The following GRM1 variants were observed in gnomAD, a reference collection of about 807,000 sequenced individuals.
GRM1 encodes metabotropic glutamate receptor 1.
In GRM1, 33 loss-of-function variants were observed where a neutral mutation model predicts 90.9. The observed-to-expected ratio is 0.36, with a 90% CI of 0.28 to 0.49. GRM1 has a LOEUF of 0.49. Among genes scored for constraint, GRM1 ranks in the 20% least tolerant of loss-of-function variants. The pLI is 0.99. For missense variants in GRM1, 1,190 were observed against 1,534.3 expected (o/e 0.78, Z 3.75); for synonymous variants, 700 against 613.2 (o/e 1.14, Z -2.09).
At chr6:146,322,574 C>CTTTTCTTTTATTTTATTTTATTTTA (rs375962682) in intron 3 of GRM1, among the ~76,000 whole-genome samples, 39 of 144,966 alleles carry the variant, frequency 2.7e-4, no homozygotes, top group African/African-American at 1.0e-3. Flanking sequence ...TGCTGCCTTT[C>CTTTTCTTTTATTTTATTTTATTTTA]TTTTATTTTA....
chr6:146,348,022 A>G (rs967725468), intron 3 of GRM1, among the ~76,000 whole-genome samples: 1 of 152,232 alleles, frequency 6.6e-6, no homozygotes, highest in Non-Finnish European at 1.5e-5. Flanking sequence ...AAGTAAATAA[A>G]CACAGTCAAC....
At chr6:146,084,282 T>A (rs907292974) in intron 1 of GRM1, among the ~76,000 whole-genome samples, 4 of 152,070 alleles carry the variant, frequency 2.6e-5, no homozygotes, top group African/African-American at 9.7e-5. Context: ...CTGCTGGCTT[T>A]TGGATTTGTT....
chr6:146,033,677 A>G (rs894446607), intron 1 of GRM1, among the ~76,000 whole-genome samples: 2 of 151,966 alleles, frequency 1.3e-5, no homozygotes, highest in Non-Finnish European at 2.9e-5. Flanking sequence ...CTTTCCAGTT[A>G]GATTTTGATC....
At chr6:146,368,248 A>C (rs1775765946) in intron 5 of GRM1, among the ~76,000 whole-genome samples, 1 of 110,046 alleles carries the variant, frequency 9.1e-6, no homozygotes, top group Non-Finnish European at 1.8e-5. Context: ...ATCATTTTCT[A>C]CAGTTTTTTT....
At chr6:146,270,946 T>G (rs1782128835) in intron 2 of GRM1, among the ~76,000 whole-genome samples, 1 of 133,498 alleles carries the variant, frequency 7.5e-6, no homozygotes, top group Admixed American at 7.3e-5. Flanking sequence ...CCTTCCTTCC[T>G]TCCTTCCTTT....
At chr6:146,233,289 C>G (rs776538781) in intron 2 of GRM1, among the ~76,000 whole-genome samples, 3 of 152,062 alleles carry the variant, frequency 2.0e-5, no homozygotes, top group Non-Finnish European at 4.4e-5. Context: ...CAGTAGTATG[C>G]TAGGTTCAAC....
chr6:146,038,390 G>A (rs1177287655), intron 1 of GRM1, among the ~76,000 whole-genome samples: 1 of 151,906 alleles, frequency 6.6e-6, no homozygotes, highest in African/African-American at 2.4e-5. Flanking sequence ...AGCTATCAGG[G>A]TGAAGTATAC....
chr6:146,242,172 A>G (rs58310049), intron 2 of GRM1, among the ~76,000 whole-genome samples: 1 of 152,114 alleles, frequency 6.6e-6, no homozygotes, highest in East Asian at 1.9e-4. Context: ...ATGTGATTAC[A>G]CCACCTACAA....
Position 146,249,400 on chromosome 6 carries a change from C to T in GRM1, c.951-55211C>T, listed in dbSNP as rs546423101. Among the ~76,000 whole-genome samples the T allele has an allele frequency of 3.9e-5, 6 of 152,158 alleles. No homozygotes were observed. The South Asian group carries it at 1.0e-3, about 26-fold the overall frequency. ...TGTGCAGCTTTGGAACTTGGTGTCC[C>T]GCATCCCCGCGGTTCCAGCTCAAAC... On this transcript the variant is annotated intron_variant, in intron 2 of 7. Coordinates refer to ENST00000282753, the MANE Select transcript of GRM1 (RefSeq NM_001278064.2).
chr6:146,184,232 C>T, intron 2 of GRM1, among the ~76,000 whole-genome samples: 1 of 152,110 alleles, frequency 6.6e-6, no homozygotes, highest in East Asian at 1.9e-4. Flanking sequence ...TAATTATGAT[C>T]ACAGAATCTT....
intron 2 of GRM1, among the ~76,000 whole-genome samples, chr6:146,255,219 A>G (rs1446103303): frequency 6.6e-6 from 1 of 152,162 alleles, no homozygotes; most frequent in Non-Finnish European, 1.5e-5. Context: ...GTACAAACAT[A>G]TATTTTGGCC....
intron 1 of GRM1, among the ~76,000 whole-genome samples, chr6:146,048,383 T>A (rs1791409376): frequency 6.6e-6 from 1 of 152,010 alleles, no homozygotes; most frequent in Non-Finnish European, 1.5e-5. Flanking sequence ...TTGGCACAAG[T>A]GTAATACTTA....
At chr6:146,204,485 A>T (rs1779427425) in intron 2 of GRM1, among the ~76,000 whole-genome samples, 1 of 152,186 alleles carries the variant, frequency 6.6e-6, no homozygotes, top group Admixed American at 6.5e-5. Flanking sequence ...TCTATTGTTA[A>T]CATTTTCATG....
intron 2 of GRM1, among the ~76,000 whole-genome samples, chr6:146,166,612 T>C (rs1409923262): frequency 6.6e-6 from 1 of 152,174 alleles, no homozygotes; most frequent in African/African-American, 2.4e-5. Context: ...CCTACTGACC[T>C]GCCCTCTGAA....
intron 3 of GRM1, among the ~76,000 whole-genome samples, chr6:146,351,162 T>C (rs1785393761): frequency 6.6e-6 from 1 of 152,138 alleles, no homozygotes; most frequent in Non-Finnish European, 1.5e-5. Context: ...CCTATTTAGG[T>C]TGGAACAAAG....
At chr6:146,213,236 G>A (rs1037428461) in intron 2 of GRM1, among the ~76,000 whole-genome samples, 1 of 152,118 alleles carries the variant, frequency 6.6e-6, no homozygotes, top group African/African-American at 2.4e-5. Context: ...GATTATGAGA[G>A]AGGTTGTATC....
intron 2 of GRM1, among the ~76,000 whole-genome samples, chr6:146,213,773 A>G (rs1342607769): frequency 2.0e-5 from 3 of 152,114 alleles, no homozygotes; most frequent in African/African-American, 4.8e-5. Flanking sequence ...ATTGGGTCAC[A>G]TGACCAGGGA....
chr6:146,301,801 A>T (rs1783394023), intron 2 of GRM1, among the ~76,000 whole-genome samples: 1 of 152,184 alleles, frequency 6.6e-6, no homozygotes, highest in Non-Finnish European at 1.5e-5. Flanking sequence ...ATGTAAATAA[A>T]CCGGTTTGAG....
intron 1 of GRM1, among the ~76,000 whole-genome samples, chr6:146,053,610 G>A (rs1341381680): frequency 6.6e-6 from 1 of 152,018 alleles, no homozygotes; most frequent in African/African-American, 2.4e-5. Context: ...CCTGCTGAAC[G>A]TTATGTGAGT....
Sources: gnomAD v4.1 joint callset for allele counts (sites outside exome capture counted in the v4.1 genomes callset) on GRCh38, gnomAD v4.1.1 for gene constraint, MANE v1.5 for transcripts, NCBI Gene and HGNC (gene_info 2026-07-23, HGNC 2026-07-21) for gene names.